Variants in GLMN observed in about 807,000 individuals in gnomAD.
The protein encoded by GLMN is glomulin, FKBP associated protein, also known as glomulin.
In GLMN, 75 loss-of-function variants were observed where a neutral mutation model predicts 87.8. The ratio of observed to expected loss-of-function variants is 0.85; its 90% CI spans 0.71 to 1.04. The LOEUF is 1.04. Among genes scored for constraint, GLMN ranks in the 50% least tolerant of loss-of-function variants. The pLI, the probability that GLMN is intolerant of heterozygous loss-of-function variation, is 0.00. For missense variants in GLMN, 588 were observed against 658.8 expected (o/e 0.89, Z 1.18); for synonymous variants, 206 against 221.6 (o/e 0.93, Z 0.63).
chr1:92,276,725 G>GT (rs1557544776), intron 7 of GLMN, among the ~76,000 whole-genome samples: 3 of 152,134 alleles, frequency 2.0e-5, no homozygotes, highest in Non-Finnish European at 2.9e-5. Flanking sequence ...GTGGTTATTT[G>GT]TTTTTTTAAA....
the GLMN span, among the ~76,000 whole-genome samples, chr1:92,370,701 CTT>C: frequency 1.3e-5 from 2 of 151,436 alleles, no homozygotes; most frequent in Non-Finnish European, 2.9e-5. Flanking sequence ...TTTGGTGAGA[CTT>C]TAAAAAAAAA....
At chr1:92,301,610 A>T, upstream of GLMN, 1 of 1,062,312 alleles carries the variant, frequency 9.4e-7, no homozygotes, top group South Asian at 1.6e-5. Context: ...AAGTTGACAA[A>T]TTATTAGTTT....
At chr1:92,328,147 T>A in the GLMN span, among the ~76,000 whole-genome samples, 18 of 152,344 alleles carry the variant, frequency 1.2e-4, 1 homozygote, top group African/African-American at 4.1e-4. Context: ...AATGATCTTT[T>A]TATGATGAGT....
the GLMN span, among the ~76,000 whole-genome samples, chr1:92,349,262 G>A: frequency 8.1e-4 from 123 of 152,254 alleles, no homozygotes; most frequent in Non-Finnish European, 1.5e-3. Context: ...CACTTAAGAT[G>A]AATATAAGAT....
chr1:92,266,868 AAATT>A, intron 11 of GLMN, 127 bp from the exon 12 acceptor site: 1 of 658,164 alleles, frequency 1.5e-6, no homozygotes, highest in Non-Finnish European at 2.7e-6. Context: ...AAAGTGAAGT[AAATT>A]AATTTTTCCC....
At chr1:92,348,792 T>C in the GLMN span, among the ~76,000 whole-genome samples, 1 of 152,216 alleles carries the variant, frequency 6.6e-6, no homozygotes, top group East Asian at 1.9e-4. Flanking sequence ...TTCTATAAAG[T>C]ATAATTATAC....
chr1:92,257,943 C>T (rs1432320012), intron 16 of GLMN, among the ~76,000 whole-genome samples: 2 of 151,928 alleles, frequency 1.3e-5, no homozygotes, highest in Non-Finnish European at 2.9e-5. Flanking sequence ...AGCTTCTGCA[C>T]AACAAAAGAA....
chr1:92,263,760 G>A (rs548278273), intron 14 of GLMN, 28 bp from the exon 15 acceptor site: 24 of 1,051,150 alleles, frequency 2.3e-5, no homozygotes, highest in African/African-American at 2.0e-4. Context: ...AATTGAGAAA[G>A]CTTTATAATT....
rs886608121 is a variant in GLMN, at chr1:92,298,983, C to T, written c.-89G>A. The stretch of plus-strand genomic sequence containing the variant: ...ACCTCCTCCGGCGTCTTAGCCCGCT[C>T]TTCTGGCCCCGCCCCGCGCTACGCG... On this transcript the variant is annotated 5_prime_UTR_variant, in exon 1 of 19. Coordinates refer to ENST00000370360, the MANE Select transcript of GLMN (RefSeq NM_053274.3). 2.8e-5 allele frequency: 17 copies of T among 600,082 alleles called. No homozygotes were observed. The highest frequency in any genetic ancestry group is 3.6e-5 in the Admixed American group (1 of 27,808). The allele number at this position is 600,082 out of a possible 1,614,324, so 37.2% of individuals were successfully genotyped here. A position where few individuals can be genotyped will look rare whatever the true frequency, so the allele number is the denominator to read the frequency against.
chr1:92,305,469 T>C, the GLMN span, among the ~76,000 whole-genome samples: 248 of 102,266 alleles, frequency 2.4e-3, 8 homozygotes, highest in East Asian at 0.07. Flanking sequence ...TGGGAAGATA[T>C]AAACTTGGGG....
chr1:92,274,526 C>T (rs755028627), intron 7 of GLMN, among the ~76,000 whole-genome samples: 10 of 152,152 alleles, frequency 6.6e-5, no homozygotes, highest in African/African-American at 9.7e-5. Flanking sequence ...TTTTCTCTAC[C>T]CAATTCCTGC....
chr1:92,333,782 T>C, the GLMN span, among the ~76,000 whole-genome samples: 523 of 152,312 alleles, frequency 3.4e-3, 1 homozygote, highest in African/African-American at 0.012. Context: ...GCTAGACCCA[T>C]TTAAATACTG....
the GLMN span, among the ~76,000 whole-genome samples, chr1:92,314,373 T>C: frequency 6.0e-5 from 9 of 150,978 alleles, no homozygotes; most frequent in African/African-American, 2.2e-4. Context: ...TTGCATTTAG[T>C]AGTGCATTTT....
At chr1:92,298,198 AG>A (rs1307248976) in intron 1 of GLMN, among the ~76,000 whole-genome samples, 169 bp from the exon 2 acceptor site, 3 of 152,240 alleles carry the variant, frequency 2.0e-5, no homozygotes, top group Non-Finnish European at 2.9e-5. Flanking sequence ...AAAGTTTTAA[AG>A]TTGAAATGTT....
intron 13 of GLMN, among the ~76,000 whole-genome samples, chr1:92,265,660 C>T (rs563827483): frequency 7.9e-5 from 12 of 152,194 alleles, no homozygotes; most frequent in Admixed American, 7.9e-4. Flanking sequence ...TCCCAGCTAC[C>T]TGGGAGGCTG....
chr1:92,305,440 A>AAAAAAAAAAAAAAAAAAAAAAAAAAG, the GLMN span, among the ~76,000 whole-genome samples: 1 of 147,816 alleles, frequency 6.8e-6, no homozygotes, highest in African/African-American at 2.5e-5. Flanking sequence ...CTCAAAAAAA[A>AAAAAAAAAAAAAAAAAAAAAAAAAAG]AAAAAAAAAA....
chr1:92,260,954 G>C (rs1236119937), intron 16 of GLMN, among the ~76,000 whole-genome samples: 1 of 152,044 alleles, frequency 6.6e-6, no homozygotes, highest in Non-Finnish European at 1.5e-5. Context: ...GTATTACTCT[G>C]TGTTCCATAT....
chr1:92,270,981 T>A (rs533656709), intron 8 of GLMN, among the ~76,000 whole-genome samples: 7 of 152,210 alleles, frequency 4.6e-5, no homozygotes, highest in African/African-American at 9.6e-5. Context: ...TCAGAAGTTA[T>A]GCAAAGGCAT....
intron 7 of GLMN, 133 bp from the exon 8 acceptor site, chr1:92,271,785 A>T: frequency 1.5e-6 from 1 of 675,428 alleles, no homozygotes; most frequent in Non-Finnish European, 2.6e-6. Flanking sequence ...GACCTATGAG[A>T]CTTGCTTTCA....
Sources: allele counts gnomAD v4.1 joint callset (sites outside exome capture counted in the v4.1 genomes callset), GRCh38; gene constraint gnomAD v4.1.1; transcripts MANE v1.5; gene names NCBI Gene and HGNC (gene_info 2026-07-23, HGNC 2026-07-21).